Variants in SUGCT observed in about 807,000 individuals in gnomAD.
SUGCT encodes the protein succinyl-CoA:glutarate-CoA transferase.
SUGCT carries 41 observed loss-of-function variants against 55.0 expected under a neutral mutation model. The ratio of observed to expected loss-of-function variants is 0.74; its 90% CI spans 0.58 to 0.97. The LOEUF (loss-of-function observed/expected upper bound fraction) is 0.97, where lower values mean the gene tolerates loss of function less well. Ranked by LOEUF, SUGCT falls within the 50% of genes least tolerant of loss-of-function variation. SUGCT has a pLI of 0.00. For missense variants in SUGCT, 568 were observed against 547.8 expected, an observed-to-expected ratio of 1.04 and a Z score of -0.37; for synonymous variants, 187 against 200.4, an observed-to-expected ratio of 0.93 and a Z score of 0.56.
At chr7:40,211,777 A>C (rs1183688129) in intron 6 of SUGCT, among the ~76,000 whole-genome samples, 4 of 152,102 alleles carry the variant, frequency 2.6e-5, no homozygotes, top group Non-Finnish European at 5.9e-5. Context: ...CCCACCTCTC[A>C]CACCACCACA....
intron 12 of SUGCT, among the ~76,000 whole-genome samples, chr7:40,707,519 G>A (rs1584310853): frequency 6.6e-6 from 1 of 152,288 alleles, no homozygotes; most frequent in East Asian, 1.9e-4. Flanking sequence ...CATGGAGAAT[G>A]TATAAATAGA....
intron 13 of SUGCT, among the ~76,000 whole-genome samples, chr7:40,805,900 G>A (rs1022830931): frequency 1.3e-5 from 2 of 152,222 alleles, no homozygotes; most frequent in Admixed American, 6.5e-5. Context: ...TATGTGGAAT[G>A]CCATCTATGG....
At chr7:40,136,399 C>G (rs1787699138) in intron 1 of SUGCT, among the ~76,000 whole-genome samples, 1 of 152,208 alleles carries the variant, frequency 6.6e-6, no homozygotes, top group Non-Finnish European at 1.5e-5. Context: ...GCTGCTACTC[C>G]TCGCTGTCTC....
At chr7:40,184,505 T>C (rs895016442) in intron 3 of SUGCT, among the ~76,000 whole-genome samples, 1 of 151,992 alleles carries the variant, frequency 6.6e-6, no homozygotes, top group Non-Finnish European at 1.5e-5. Context: ...TAAATTTTTT[T>C]TTTTTTTGGT....
At chr7:40,346,046 T>C (rs1797288245) in intron 9 of SUGCT, among the ~76,000 whole-genome samples, 1 of 152,032 alleles carries the variant, frequency 6.6e-6, no homozygotes, top group Non-Finnish European at 1.5e-5. Context: ...CTGGTTTTCA[T>C]GTTAGTTTAG....
At chr7:40,801,522 G>A (rs1790814787) in intron 13 of SUGCT, among the ~76,000 whole-genome samples, 1 of 152,132 alleles carries the variant, frequency 6.6e-6, no homozygotes, top group South Asian at 2.1e-4. Context: ...ATCTTGAGGG[G>A]TAGATTTCAC....
At chr7:40,247,041 C>T (rs1789930824) in intron 7 of SUGCT, among the ~76,000 whole-genome samples, 2 of 152,142 alleles carry the variant, frequency 1.3e-5, no homozygotes, top group Admixed American at 1.3e-4. Context: ...TTAGTTTTTG[C>T]CTTTTGTGAA....
Position 40,399,797 on chromosome 7 carries a change from A to G in SUGCT, c.817-49490A>G, listed in dbSNP as rs554122393. On this transcript the variant is annotated intron_variant, in intron 9 of 13. Coordinates refer to ENST00000335693, the MANE Select transcript of SUGCT (RefSeq NM_001193313.2). ...AATGCTGAACAGAAAGGGTAAGAGC[A>G]CATCACTACTTTACTCCTGATATTA... 1.1e-4 allele frequency among the ~76,000 whole-genome samples: 16 copies of G among 152,326 alleles called. No individual in the cohort carries two copies. The East Asian group carries it at 2.5e-3, about 24-fold the overall frequency.
At chr7:40,214,841 G>C (rs1229415153) in intron 6 of SUGCT, among the ~76,000 whole-genome samples, 1 of 151,944 alleles carries the variant, frequency 6.6e-6, no homozygotes, top group Non-Finnish European at 1.5e-5. Context: ...TTGAACCCGG[G>C]AGGCGGAGGT....
intron 12 of SUGCT, among the ~76,000 whole-genome samples, chr7:40,574,742 G>C (rs985952064): frequency 7.2e-5 from 11 of 152,158 alleles, no homozygotes; most frequent in African/African-American, 2.2e-4. Flanking sequence ...GGGCCTGTTA[G>C]TTTAATCTTC....
At chr7:40,361,846 C>A (rs1040469146) in intron 9 of SUGCT, among the ~76,000 whole-genome samples, 1 of 151,392 alleles carries the variant, frequency 6.6e-6, no homozygotes, top group Non-Finnish European at 1.5e-5. Context: ...TTTCTGAGGG[C>A]ACATTGGAAT....
At chr7:40,712,823 CATT>C (rs1017557468) in intron 12 of SUGCT, among the ~76,000 whole-genome samples, 7 of 152,170 alleles carry the variant, frequency 4.6e-5, no homozygotes, top group African/African-American at 1.7e-4. Flanking sequence ...AGTGCGCTGC[CATT>C]ATTTTATTCT....
chr7:40,696,423 G>A (rs1052913970), intron 12 of SUGCT, among the ~76,000 whole-genome samples: 1 of 152,116 alleles, frequency 6.6e-6, no homozygotes, highest in Non-Finnish European at 1.5e-5. Context: ...TTTGGGGTGA[G>A]TAGACTATGC....
chr7:40,262,858 A>G (rs1296030102), intron 7 of SUGCT, among the ~76,000 whole-genome samples: 1 of 152,228 alleles, frequency 6.6e-6, no homozygotes. Flanking sequence ...AAGCTTTTGG[A>G]TCAGAATTCC....
intron 7 of SUGCT, among the ~76,000 whole-genome samples, chr7:40,271,535 T>A (rs1792013838): frequency 6.6e-6 from 1 of 151,078 alleles, no homozygotes; most frequent in Admixed American, 6.6e-5. Flanking sequence ...AGAAGTTTCA[T>A]TTTTTTTTAG....
rs549978160 is a variant in SUGCT at position 40,746,476 on chromosome 7, C to T, written c.1090-2958C>T. Among the ~76,000 whole-genome samples, 34 of 152,308 alleles carry T rather than the reference C, an allele frequency of 2.2e-4. 1 individual carries two copies. The South Asian group carries it at 6.8e-3, about 31-fold the overall frequency. On this transcript the variant is annotated intron_variant, in intron 12 of 13. Transcript: ENST00000335693. The stretch of plus-strand genomic sequence containing the variant: ...ACGGGGCTCACACCAGCCCATTTGC[C>T]TCATAATTGTATGCATGCTACAGCA...
intron 12 of SUGCT, among the ~76,000 whole-genome samples, chr7:40,511,691 A>G (rs1792941087): frequency 6.6e-6 from 1 of 152,214 alleles, no homozygotes; most frequent in Non-Finnish European, 1.5e-5. Context: ...AATATCTCAC[A>G]TTACATAAAT....
intron 12 of SUGCT, among the ~76,000 whole-genome samples, chr7:40,500,756 A>C (rs1179790777): frequency 6.6e-6 from 1 of 152,136 alleles, no homozygotes; most frequent in Non-Finnish European, 1.5e-5. Flanking sequence ...CATTTTGGCA[A>C]AATATCTGAG....
At chr7:40,575,131 T>A (rs1245087970) in intron 12 of SUGCT, among the ~76,000 whole-genome samples, 1 of 140,370 alleles carries the variant, frequency 7.1e-6, no homozygotes, top group Admixed American at 6.9e-5. Context: ...GGGGTGGGGG[T>A]GGAGATGGGT....
Sources: allele counts gnomAD v4.1 joint callset (sites outside exome capture counted in the v4.1 genomes callset), GRCh38; gene constraint gnomAD v4.1.1; transcripts MANE v1.5; gene names NCBI Gene and HGNC (gene_info 2026-07-23, HGNC 2026-07-21).